Variants in PKHD1L1 observed in about 807,000 individuals in gnomAD.
The protein encoded by PKHD1L1 is fibrocystin-L.
Under a neutral mutation model 462.9 loss-of-function variants are expected in PKHD1L1, and 434 were observed. The ratio of observed to expected loss-of-function variants is 0.94; its 90% CI spans 0.87 to 1.02. The LOEUF (loss-of-function observed/expected upper bound fraction) is 1.02, where lower values mean the gene tolerates loss of function less well. Among genes scored for constraint, PKHD1L1 ranks in the 50% least tolerant of loss-of-function variants. PKHD1L1 has a pLI of 0.00. For synonymous variants in PKHD1L1, 1,781 were observed against 1,750.0 expected, an observed-to-expected ratio of 1.02 and a Z score of -0.44; for missense variants, 5,202 against 5,096.1, an observed-to-expected ratio of 1.02 and a Z score of -0.63.
intron 11 of PKHD1L1, among the ~76,000 whole-genome samples, chr8:109,396,576 G>A (rs1812990463): frequency 6.6e-6 from 1 of 152,162 alleles, no homozygotes; most frequent in Admixed American, 6.5e-5. Context: ...GCCTCATCTG[G>A]ACATCAGTAA....
chr8:109,408,785 G>T (rs986323068), intron 18 of PKHD1L1, among the ~76,000 whole-genome samples: 1 of 152,284 alleles, frequency 6.6e-6, no homozygotes, highest in Middle Eastern at 3.4e-3. Flanking sequence ...GAGGAGAGAC[G>T]TTTAAACAGA....
At chr8:109,461,026 A>G (rs1450805973) in intron 47 of PKHD1L1, among the ~76,000 whole-genome samples, 1 of 152,128 alleles carries the variant, frequency 6.6e-6, no homozygotes, top group Non-Finnish European at 1.5e-5. Flanking sequence ...TTAGTGCAAA[A>G]CCCATATACC....
rs1185660614 is a variant in PKHD1L1, at chr8:109,413,510, T to A, written c.2325T>A (p.Asp775Glu). 1.3e-6 allele frequency: 2 copies of A among 1,566,266 alleles called. No homozygotes were observed. The highest frequency in any genetic ancestry group is 1.7e-6 in the Non-Finnish European group (2 of 1,155,532). ...QDNSKITRST[D>E]TQFTYNFAYG... ...ATAGCAAGATTACTAGAAGCACTGA[T>A]ACACAGTTTACATACAACTTTGCTT... The change falls in exon 21 of 78, where the codon GAT becomes GAA. Residue 775 changes from aspartate (D) to glutamate (E), a missense_variant. This residue lies in a region of PKHD1L1 where 4,497 missense variants were observed against 4,336.8 expected (regional missense o/e 1.04). Transcript: ENST00000378402.
At chr8:109,429,888 C>T (rs753340110) in intron 26 of PKHD1L1, 44 bp from the exon 27 acceptor site, 17 of 1,281,134 alleles carry the variant, frequency 1.3e-5, no homozygotes, top group South Asian at 7.3e-5. Flanking sequence ...TCTACTGCTG[C>T]CTCTTTGCCC....
chr8:109,409,077 G>A (rs1393928473), intron 18 of PKHD1L1, among the ~76,000 whole-genome samples: 1 of 152,176 alleles, frequency 6.6e-6, no homozygotes, highest in African/African-American at 2.4e-5. Context: ...GCAGATTAAA[G>A]AGTATATATT....
In PKHD1L1 at chr8:109,385,171, C is replaced by T. The variant is rs935760935; in HGVS notation, c.476-366C>T. Among the ~76,000 whole-genome samples the T allele has an allele frequency of 2.0e-5, 3 of 150,882 alleles. No individual in the cohort carries two copies. The East Asian group carries it at 5.8e-4, about 29-fold the overall frequency. ...ATTATATAAATTTTCACCTATTTTT[C>T]AATAATTGTTATGGTTTTATTTTTT... On this transcript the variant is annotated intron_variant, in intron 5 of 77. Coordinates refer to ENST00000378402, the MANE Select transcript of PKHD1L1 (RefSeq NM_177531.6).
In PKHD1L1 at chr8:109,438,862, C is replaced by G. The variant is rs1189663544; in HGVS notation, c.3761-35C>G. On this transcript the variant is annotated intron_variant, in intron 31 of 77. Coordinates refer to ENST00000378402, the MANE Select transcript of PKHD1L1 (RefSeq NM_177531.6). ...ATTTCACACTGGATAACAAGTTGAA[C>G]TTTTTGCATTATTTTTTAAATTTTA... 7 of 1,456,596 alleles carry G rather than the reference C, an allele frequency of 4.8e-6. No homozygotes were observed. In the East Asian group the frequency reaches 1.7e-4, roughly 36 times the overall value. The allele number at this position is 1,456,596 out of a possible 1,614,324, so 90.2% of individuals were successfully genotyped here.
In PKHD1L1 at chr8:109,425,120, CA is replaced by C. The variant is rs1814670947; in HGVS notation, c.2734del (p.Arg912GlufsTer23). The C allele has an allele frequency of 1.3e-6, 2 of 1,598,948 alleles. No homozygotes were observed. The highest frequency in any genetic ancestry group is 2.7e-5 in the African/African-American group (2 of 73,704). ...ATGAGACAGAGAACGAGTTTGTCTA[CA>C]GAGGAAATAATTGGCCAGGCGAGTC... ...THETENEFVYRGNNWPGESKI... is the reference protein window; with the variant it reads ...THETENEFVYXGNNWPGESKI... On this transcript the variant is annotated frameshift_variant, in exon 24 of 78. Coordinates refer to ENST00000378402, the MANE Select transcript of PKHD1L1 (RefSeq NM_177531.6). LOFTEE classifies it high-confidence loss of function.
Position 109,518,313 on chromosome 8 carries a change from G to A in PKHD1L1, c.11836G>A (p.Val3946Ile), listed in dbSNP as rs1820376172. 6 of 1,613,136 alleles carry A rather than the reference G, an allele frequency of 3.7e-6. No individual in the cohort carries two copies. Among genetic ancestry groups the A allele is most frequent in the South Asian group, 3.3e-5 (3 of 91,074 alleles). The stretch of plus-strand genomic sequence containing the variant: ...GATATTTGTTTCTTTCCAATTATCT[G>A]TTGCAACAGAAGATGACTTTTATAC... ...TVIFVSFQLS[V>I]ATEDDFYTSH... is the part of the protein sequence containing the mutation. The change falls in exon 73 of 78, where the codon GTT (valine) becomes ATT (isoleucine). Residue 3946 changes from valine to isoleucine, a missense_variant. Around this residue, in one of 3 missense-constraint regions of PKHD1L1, gnomAD observed 698 missense variants for 736.3 expected, o/e 0.95. Coordinates refer to ENST00000378402, the MANE Select transcript of PKHD1L1 (RefSeq NM_177531.6).
chr8:109,452,105 T>G lies in PKHD1L1; in HGVS notation c.6351-19T>G, dbSNP rs747010233. The stretch of plus-strand genomic sequence containing the variant: ...ATTTGAGAAAAACATACATGTTATG[T>G]TTTCCCTCTTTTTTACAGTGAAAAT... On this transcript the variant is annotated intron_variant, in intron 41 of 77. Coordinates refer to ENST00000378402, the MANE Select transcript of PKHD1L1 (RefSeq NM_177531.6). 2 of 1,602,046 alleles carry G rather than the reference T, an allele frequency of 1.2e-6. No homozygotes were observed. The highest frequency in any genetic ancestry group is 8.5e-7 in the Non-Finnish European group (1 of 1,174,470).
In PKHD1L1 at chr8:109,391,035, A is replaced by G. The variant is rs536843000; in HGVS notation, c.740+541A>G. Among the ~76,000 whole-genome samples, 5 of 152,348 alleles carry G rather than the reference A, an allele frequency of 3.3e-5. No individual in the cohort carries two copies. In the East Asian group the frequency reaches 9.6e-4, roughly 29 times the overall value. ...TCTAATTTCAATAAGAAAGATCATC[A>G]TACATTTATAGAAACATCAGAATAT... On this transcript the variant is annotated intron_variant, in intron 9 of 77. Transcript: ENST00000378402.
intron 18 of PKHD1L1, 46 bp from the exon 19 acceptor site, chr8:109,409,818 TA>T: frequency 8.9e-7 from 1 of 1,127,446 alleles, no homozygotes; most frequent in Non-Finnish European, 1.3e-6. Flanking sequence ...ACGAGTGTTC[TA>T]ACTTTTCATG....
chr8:109,379,184 A>G (rs1331245824), intron 2 of PKHD1L1, among the ~76,000 whole-genome samples: 1 of 152,126 alleles, frequency 6.6e-6, no homozygotes, highest in Non-Finnish European at 1.5e-5. Flanking sequence ...CAAAAAGTCC[A>G]CCCAGCTTCT....
At chr8:109,448,493 T>C (rs1586537638) in intron 39 of PKHD1L1, 102 bp downstream of exon 39, 1 of 1,284,006 alleles carries the variant, frequency 7.8e-7, no homozygotes, top group South Asian at 1.8e-5. Context: ...ACATAAAATT[T>C]CTAGTGTTTT....
intron 52 of PKHD1L1, 133 bp downstream of exon 52, chr8:109,476,800 A>G: frequency 1.3e-6 from 1 of 776,388 alleles, no homozygotes. Flanking sequence ...CTGAATGGAA[A>G]AACTGGAGAC....
intron 70 of PKHD1L1, 58 bp from the exon 71 acceptor site, chr8:109,510,719 T>C: frequency 1.3e-6 from 2 of 1,523,292 alleles, no homozygotes; most frequent in Non-Finnish European, 1.8e-6. Flanking sequence ...CTCTTCAGAT[T>C]TTATACTAAT....
chr8:109,485,464 G>T (rs1003465852), intron 58 of PKHD1L1, among the ~76,000 whole-genome samples: 2 of 151,946 alleles, frequency 1.3e-5, no homozygotes, highest in African/African-American at 4.8e-5. Flanking sequence ...TGATTCTTGT[G>T]CACGCTGAAA....
At chr8:109,428,214 A>G (rs1814885152) in intron 25 of PKHD1L1, among the ~76,000 whole-genome samples, 1 of 152,100 alleles carries the variant, frequency 6.6e-6, no homozygotes, top group Non-Finnish European at 1.5e-5. Flanking sequence ...TTCTACTGAA[A>G]TAATAAGATA....
chr8:109,398,900 A>G (rs1232122847), intron 12 of PKHD1L1, among the ~76,000 whole-genome samples: 1 of 152,200 alleles, frequency 6.6e-6, no homozygotes, highest in Non-Finnish European at 1.5e-5. Flanking sequence ...TTCTGATTAA[A>G]AAAAGATAAA....
Sources: allele counts gnomAD v4.1 joint callset (sites outside exome capture counted in the v4.1 genomes callset), GRCh38; gene constraint gnomAD v4.1.1; regional missense constraint gnomAD v4.1.1; transcripts MANE v1.5; gene names NCBI Gene and HGNC (gene_info 2026-07-23, HGNC 2026-07-21).